ZNF407: variants seen among roughly 807,000 people sequenced by gnomAD.
The protein encoded by ZNF407 is zinc finger protein 407.
ZNF407 carries 17 observed loss-of-function variants against 131.2 expected under a neutral mutation model. That is an observed-to-expected ratio of 0.13 (90% CI 0.09 to 0.19). ZNF407 has a LOEUF of 0.19. ZNF407 is among the 10% of genes least tolerant of loss of function. The pLI is 1.00. For synonymous variants in ZNF407, 1,156 were observed against 1,062.0 expected (o/e 1.09, Z -1.72); for missense variants, 2,681 against 2,830.6 (o/e 0.95, Z 1.20).
intron 3 of ZNF407, among the ~76,000 whole-genome samples, chr18:74,741,206 A>G (rs201910395): frequency 6.6e-6 from 1 of 152,212 alleles, no homozygotes; most frequent in Non-Finnish European, 1.5e-5. Flanking sequence ...ATACGTTTCT[A>G]TAGTCAGGTC....
intron 3 of ZNF407, among the ~76,000 whole-genome samples, chr18:74,648,678 T>G (rs1985085642): frequency 6.6e-6 from 1 of 152,210 alleles, no homozygotes; most frequent in African/African-American, 2.4e-5. Flanking sequence ...TGATAACTGA[T>G]CCATATAACT....
At chr18:74,723,071 TCTTTA>T (rs1196381165) in intron 3 of ZNF407, among the ~76,000 whole-genome samples, 1 of 152,228 alleles carries the variant, frequency 6.6e-6, no homozygotes, top group Non-Finnish European at 1.5e-5. Context: ...ATTTATTGAT[TCTTTA>T]CTTTGTCATA....
chr18:74,915,694 A>AGTGT (rs148897853), intron 7 of ZNF407, among the ~76,000 whole-genome samples: 246 of 5,836 alleles, frequency 0.042, 84 homozygotes, highest in Non-Finnish European at 0.066. Flanking sequence ...TCGAATCGGG[A>AGTGT]GTGTGTGTGT....
rs541421638 is a variant in ZNF407, at chr18:74,883,837, T to A, written c.5128+2718T>A. 1.6e-3 allele frequency among the ~76,000 whole-genome samples: 249 copies of A among 152,348 alleles called. 1 individual carries two copies. The highest frequency in any genetic ancestry group is 5.4e-3 in the African/African-American group (224 of 41,568). ...TCTTAATGGTGATTTGAGCCAAGAT[T>A]ACTGCTTGTAACGGAAAGTGTGAAA... On this transcript the variant is annotated intron_variant, in intron 6 of 8. Coordinates refer to ENST00000299687, the MANE Select transcript of ZNF407 (RefSeq NM_017757.3).
intron 3 of ZNF407, among the ~76,000 whole-genome samples, chr18:74,676,328 G>T (rs1986358522): frequency 6.6e-6 from 1 of 152,038 alleles, no homozygotes; most frequent in Admixed American, 6.6e-5. Context: ...CTGAGCTCAG[G>T]CAATCCGCCT....
intron 4 of ZNF407, among the ~76,000 whole-genome samples, chr18:74,869,398 A>G (rs570855823): frequency 2.0e-5 from 3 of 152,310 alleles, no homozygotes; most frequent in Middle Eastern, 3.4e-3. Flanking sequence ...CAGCCCTGCC[A>G]TACAGTTGAA....
In ZNF407 at chr18:74,939,842, A is replaced by C. The variant is rs144226587; in HGVS notation, c.5428+19150A>C. On this transcript the variant is annotated intron_variant, in intron 8 of 8. Transcript: ENST00000299687. The stretch of plus-strand genomic sequence containing the variant: ...CAGTTAAGATATTGAGATTGTTAGC[A>C]TGGTGTGGCAGAAAAAACACTTGTC... Among the ~76,000 whole-genome samples the C allele has an allele frequency of 6.3e-4, 96 of 152,350 alleles. 1 individual carries two copies. The East Asian group carries it at 0.01, about 16-fold the overall frequency.
chr18:74,856,446 G>A (rs539043854), intron 4 of ZNF407, among the ~76,000 whole-genome samples: 6 of 152,304 alleles, frequency 3.9e-5, no homozygotes, highest in Admixed American at 2.0e-4. Context: ...AAGCAATCTA[G>A]TAAGCTGAAA....
At chr18:74,785,862 ACACACGTCACT>A (rs1969697779) in intron 4 of ZNF407, among the ~76,000 whole-genome samples, 1 of 151,298 alleles carries the variant, frequency 6.6e-6, no homozygotes, top group South Asian at 2.1e-4. Flanking sequence ...CCCACATGGC[ACACACGTCACT>A]CACATGGCAC....
At chr18:74,870,048 G>A (rs1358674631) in intron 4 of ZNF407, among the ~76,000 whole-genome samples, 4 of 152,194 alleles carry the variant, frequency 2.6e-5, no homozygotes, top group South Asian at 2.1e-4. Context: ...TGAGGGCACA[G>A]CAATTGTAAT....
intron 8 of ZNF407, among the ~76,000 whole-genome samples, chr18:74,976,453 C>T (rs979934104): frequency 2.6e-5 from 4 of 152,152 alleles, no homozygotes; most frequent in South Asian, 2.1e-4. Flanking sequence ...CACAGACCTG[C>T]GACCTGTAAT....
intron 8 of ZNF407, among the ~76,000 whole-genome samples, chr18:74,951,509 G>T (rs188873272): frequency 3.9e-5 from 6 of 152,114 alleles, no homozygotes; most frequent in African/African-American, 7.2e-5. Context: ...TCACTGCCTC[G>T]TCTTCTCATT....
rs116891876 is a variant in ZNF407 at position 74,652,771 on chromosome 18, C to T, written c.4802+11649C>T. ...AAACTTTCCTAAGTCAGAACCAATG[C>T]ACATAACACAGTTTAGTTTCTCCTT... On this transcript the variant is annotated intron_variant, in intron 3 of 8. Coordinates refer to ENST00000299687, the MANE Select transcript of ZNF407 (RefSeq NM_017757.3). 5.1e-3 allele frequency among the ~76,000 whole-genome samples: 774 copies of T among 152,106 alleles called. 8 individuals carry two copies. The highest frequency in any genetic ancestry group is 0.027 in the South Asian group (128 of 4,822).
chr18:74,628,498 A>G (rs542324969), intron 1 of ZNF407, among the ~76,000 whole-genome samples: 53 of 152,348 alleles, frequency 3.5e-4, no homozygotes, highest in African/African-American at 1.3e-3. Flanking sequence ...AAAAGGAACC[A>G]TATAGTACAT....
intron 3 of ZNF407, among the ~76,000 whole-genome samples, chr18:74,734,295 G>T (rs1398302713): frequency 6.6e-6 from 1 of 152,176 alleles, no homozygotes; most frequent in African/African-American, 2.4e-5. Flanking sequence ...TCACAGCCCA[G>T]TATTGCACAA....
At position 74,702,445 on chromosome 18, in the gene ZNF407, A is replaced by G. The variant is rs569905607; in HGVS notation, c.4802+61323A>G. Among the ~76,000 whole-genome samples the G allele has an allele frequency of 2.5e-4, 38 of 152,264 alleles. 1 individual carries two copies. The highest frequency in any genetic ancestry group is 7.7e-4 in the East Asian group (4 of 5,188). On this transcript the variant is annotated intron_variant, in intron 3 of 8. Transcript: ENST00000299687. ...TGATTATCAGTGTTTATACTGAAAA[A>G]CACATATTACAGTATTATCAGTATT...
intron 4 of ZNF407, among the ~76,000 whole-genome samples, chr18:74,799,291 A>G (rs1294900544): frequency 6.6e-6 from 1 of 152,174 alleles, no homozygotes; most frequent in Admixed American, 6.5e-5. Flanking sequence ...AGTATTTTCC[A>G]TGAACTGTTT....
Position 74,632,752 on chromosome 18 carries a change from G to A in ZNF407, c.1733G>A (p.Ser578Asn). Residue 578 changes from serine (S) to asparagine (N), a missense_variant, in exon 2 of 9, where the codon AGT (serine) becomes AAT (asparagine). Physicochemically the swap from Ser to Asn is conservative, Grantham distance 46 (BLOSUM62 1). This residue lies in a region of ZNF407 where 1,789 missense variants were observed against 1,748.7 expected (regional missense o/e 1.02). Transcript: ENST00000299687. ...AGGGACTTAGATGAACATTTGCACA[G>A]TAACCAGCATCAGCAAACTGCTTCT... The part of the protein sequence containing the change: ...SRRDLDEHLH[S>N]NQHQQTASVL... 6.2e-7 allele frequency: 1 copy of A among 1,614,024 alleles called. No homozygotes were observed. The highest frequency in any genetic ancestry group is 8.5e-7 in the Non-Finnish European group (1 of 1,179,890).
chr18:74,672,441 TTGTC>T (rs71803457), intron 3 of ZNF407, among the ~76,000 whole-genome samples: 8 of 22,850 alleles, frequency 3.5e-4, no homozygotes, highest in Non-Finnish European at 7.8e-4. Flanking sequence ...GGAGCACTGT[TTGTC>T]TGTTCATTGG....
Sources: allele counts gnomAD v4.1 joint callset (sites outside exome capture counted in the v4.1 genomes callset), GRCh38; gene constraint gnomAD v4.1.1; regional missense constraint gnomAD v4.1.1; transcripts MANE v1.5; gene names NCBI Gene and HGNC (gene_info 2026-07-23, HGNC 2026-07-21).